The following APBB1IP variants were observed in gnomAD, a reference collection of about 807,000 sequenced individuals.
APBB1IP encodes amyloid beta A4 precursor protein-binding family B member 1-interacting protein.
In APBB1IP, 27 loss-of-function variants were observed where a neutral mutation model predicts 64.9. The ratio of observed to expected loss-of-function variants is 0.42; its 90% CI spans 0.31 to 0.57. APBB1IP has a LOEUF of 0.57. Ranked by LOEUF, APBB1IP falls within the 20% of genes least tolerant of loss-of-function variation. The pLI, the probability that APBB1IP is intolerant of heterozygous loss-of-function variation, is 0.20. For synonymous variants in APBB1IP, 392 were observed against 331.0 expected (o/e 1.18, Z -2.00); for missense variants, 812 against 845.5 (o/e 0.96, Z 0.49).
chr10:26,440,227 A>C (rs772611269), intron 2 of APBB1IP, among the ~76,000 whole-genome samples: 1 of 152,124 alleles, frequency 6.6e-6, no homozygotes, highest in Non-Finnish European at 1.5e-5. Flanking sequence ...AACTTGCATA[A>C]CTTCTCCCTG....
At position 26,506,252 on chromosome 10, in the gene APBB1IP, G is replaced by GT. The variant is rs1836175736; in HGVS notation, c.531+2978_531+2979insT. Among the ~76,000 whole-genome samples, 14 of 42,370 alleles carry GT rather than the reference G, an allele frequency of 3.3e-4. No individual in the cohort carries two copies. In the South Asian group the frequency reaches 4.7e-3, roughly 14 times the overall value. The allele number at this position is 42,370 out of a possible 152,430, so 27.8% of individuals were successfully genotyped here. A position where few individuals can be genotyped will look rare whatever the true frequency, so the allele number is the denominator to read the frequency against. ...TGCTTAACACTACCGTGTGTGTGTG[G>GT]GGGGGGGGGGTGGGGGGCAAGGTCT... On this transcript the variant is annotated intron_variant, in intron 6 of 14. Transcript: ENST00000376236.
At chr10:26,551,331 G>A (rs193163827) in intron 11 of APBB1IP, among the ~76,000 whole-genome samples, 9 of 152,250 alleles carry the variant, frequency 5.9e-5, no homozygotes, top group Admixed American at 3.9e-4. Flanking sequence ...GTGTGAGTCC[G>A]GGGGGACTTT....
intron 2 of APBB1IP, among the ~76,000 whole-genome samples, chr10:26,441,146 G>C (rs1175930336): frequency 1.3e-5 from 2 of 152,144 alleles, no homozygotes; most frequent in African/African-American, 4.8e-5. Context: ...AAATGAATGT[G>C]TGTGTTTTAT....
At chr10:26,560,511 A>G (rs181774222) in intron 12 of APBB1IP, among the ~76,000 whole-genome samples, 1 of 152,210 alleles carries the variant, frequency 6.6e-6, no homozygotes, top group African/African-American at 2.4e-5. Context: ...GCTCTTCTCT[A>G]ATATGTAGGT....
chr10:26,562,426 G>A lies in APBB1IP; in HGVS notation c.1470G>A (p.Ser490=), dbSNP rs199535099. 7.2e-5 allele frequency: 116 copies of A among 1,613,238 alleles called. No homozygotes were observed. In the East Asian group the frequency reaches 1.4e-3, roughly 19 times the overall value. Residue 490 remains serine (S), a synonymous_variant, in exon 14 of 15, where the codon TCG becomes TCA. Coordinates refer to ENST00000376236, the MANE Select transcript of APBB1IP (RefSeq NM_019043.4). The part of the protein sequence containing the change: ...LQEAQRHAET[S]KDKKPALGNH... ...AGGCCCAGAGACATGCTGAAACATCGAAGGTAAAACCAGCAAGCAGCTGAC... is the reference window on the plus strand; with the variant it reads ...AGGCCCAGAGACATGCTGAAACATCAAAGGTAAAACCAGCAAGCAGCTGAC...
At chr10:26,494,321 A>T (rs530947320) in intron 3 of APBB1IP, among the ~76,000 whole-genome samples, 14 of 152,336 alleles carry the variant, frequency 9.2e-5, no homozygotes, top group Non-Finnish European at 1.9e-4. Flanking sequence ...CCACTAAGCC[A>T]GGTTACAGTC....
chr10:26,441,964 G>A (rs1412082955), intron 2 of APBB1IP, among the ~76,000 whole-genome samples: 1 of 152,202 alleles, frequency 6.6e-6, no homozygotes, highest in Admixed American at 6.5e-5. Context: ...AAAGCACAGA[G>A]AGGGTAAGAA....
chr10:26,471,257 A>G (rs1327112085), intron 2 of APBB1IP, among the ~76,000 whole-genome samples: 1 of 152,174 alleles, frequency 6.6e-6, no homozygotes, highest in Non-Finnish European at 1.5e-5. Context: ...ATGGCCCCAC[A>G]TATCACAAGA....
chr10:26,441,718 C>CAT (rs1835339896), intron 2 of APBB1IP, among the ~76,000 whole-genome samples: 1 of 152,148 alleles, frequency 6.6e-6, no homozygotes. Flanking sequence ...CATTATTCCA[C>CAT]ATATTCTGGA....
At chr10:26,535,992 A>C (rs1013355159) in intron 9 of APBB1IP, 82 bp from the exon 10 acceptor site, 2 of 1,423,860 alleles carry the variant, frequency 1.4e-6, no homozygotes, top group Non-Finnish European at 1.9e-6. Context: ...TTTAAAAGCT[A>C]ATTTGTAAGT....
chr10:26,483,987 T>A (rs954728496), intron 2 of APBB1IP, among the ~76,000 whole-genome samples: 3 of 152,192 alleles, frequency 2.0e-5, no homozygotes, highest in Admixed American at 6.5e-5. Flanking sequence ...GGTATTAGTA[T>A]CTTAGTCCAA....
rs549709748 is a variant in APBB1IP at position 26,497,300 on chromosome 10, C to A, written c.160+909C>A. ...GGCGCAGTGGCTCACGCCTGAAATT[C>A]CAACACTTTGGGAGGCCGAGGTGGG... On this transcript the variant is annotated intron_variant, in intron 4 of 14. Transcript: ENST00000376236. 3.3e-5 allele frequency among the ~76,000 whole-genome samples: 5 copies of A among 152,280 alleles called. No homozygotes were observed. The East Asian group carries it at 9.6e-4, about 29-fold the overall frequency.
chr10:26,478,089 G>A (rs2132420322), intron 2 of APBB1IP, among the ~76,000 whole-genome samples: 1 of 152,336 alleles, frequency 6.6e-6, no homozygotes, highest in Middle Eastern at 3.4e-3. Flanking sequence ...TGATGAGCGG[G>A]AAGAGAGTAT....
At chr10:26,521,197 TCTAA>T (rs1453757790) in intron 8 of APBB1IP, among the ~76,000 whole-genome samples, 12 of 152,086 alleles carry the variant, frequency 7.9e-5, no homozygotes, top group African/African-American at 2.9e-4. Context: ...CAAGTATGAG[TCTAA>T]CTATTGAGAT....
At chr10:26,501,237 A>T in intron 5 of APBB1IP, 126 bp downstream of exon 5, 1 of 1,394,968 alleles carries the variant, frequency 7.2e-7, no homozygotes, top group Non-Finnish European at 9.9e-7. Flanking sequence ...AAAAACAAAG[A>T]TACAGAGCAC....
intron 2 of APBB1IP, among the ~76,000 whole-genome samples, chr10:26,455,400 C>T (rs546326322): frequency 1.1e-4 from 16 of 151,836 alleles, no homozygotes; most frequent in South Asian, 4.1e-4. Flanking sequence ...GTGGTGCGGG[C>T]GCTTGTAATC....
chr10:26,491,830 C>T (rs1416159713), intron 2 of APBB1IP, among the ~76,000 whole-genome samples: 5 of 142,614 alleles, frequency 3.5e-5, no homozygotes, highest in Admixed American at 1.5e-4. Context: ...GGCGCAATCT[C>T]GGCTCACTGC....
At chr10:26,512,005 T>TA (rs1836267513) in intron 7 of APBB1IP, 99 bp downstream of exon 7, 5 of 1,331,552 alleles carry the variant, frequency 3.8e-6, no homozygotes, top group South Asian at 1.5e-5. Flanking sequence ...TAATTTTATA[T>TA]AAAAAATAGA....
chr10:26,536,487 G>A (rs1407694991), intron 10 of APBB1IP, among the ~76,000 whole-genome samples: 3 of 151,666 alleles, frequency 2.0e-5, no homozygotes, highest in Non-Finnish European at 4.4e-5. Context: ...TACTTTACCC[G>A]TCTATTTCCA....
Sources: gnomAD v4.1 joint callset for allele counts (sites outside exome capture counted in the v4.1 genomes callset) on GRCh38, gnomAD v4.1.1 for gene constraint, MANE v1.5 for transcripts, NCBI Gene and HGNC (gene_info 2026-07-23, HGNC 2026-07-21) for gene names.